ADCY7: variants seen among roughly 807,000 people sequenced by gnomAD.
ADCY7 encodes the protein adenylate cyclase type 7.
Under a neutral mutation model 120.6 loss-of-function variants are expected in ADCY7, and 72 were observed. That is an observed-to-expected ratio of 0.60 (90% CI 0.49 to 0.73). The LOEUF is 0.73. ADCY7 is among the 30% of genes least tolerant of loss of function. The pLI is 0.00. For synonymous variants in ADCY7, 661 were observed against 628.0 expected (o/e 1.05, Z -0.78); for missense variants, 1,227 against 1,486.0 (o/e 0.83, Z 2.87).
At chr16:50,301,304 C>T in intron 10 of ADCY7, 90 bp downstream of exon 10, 1 of 1,459,208 alleles carries the variant, frequency 6.9e-7, no homozygotes, top group Non-Finnish European at 9.1e-7. Context: ...AGGAAACCCC[C>T]ATGTGGAGGG....
chr16:50,273,942 G>C (rs934570260), intron 1 of ADCY7, among the ~76,000 whole-genome samples: 2 of 152,194 alleles, frequency 1.3e-5, no homozygotes, highest in African/African-American at 4.8e-5. Context: ...TGCAGGCCCT[G>C]GGGAAGCTAA....
Position 50,310,878 on chromosome 16 carries a change from C to A in ADCY7, c.2352C>A (p.Thr784=). Reference sequence around the variant, plus strand: ...ACCTCACCAAGCCCAACGGCACCACCAGGTGGGGTCCCGCCCGTCCCCGTC... The same window carrying A: ...ACCTCACCAAGCCCAACGGCACCACAAGGTGGGGTCCCGCCCGTCCCCGTC... ...LGNLTKPNGT[T]SGTPSCSWKD... Residue 784 remains threonine, a splice_region_variant and synonymous_variant, in exon 19 of 26, where the codon ACC becomes ACA. Transcript: ENST00000673801. 6.3e-7 allele frequency: 1 copy of A among 1,598,236 alleles called. No individual in the cohort carries two copies. Among genetic ancestry groups the A allele is most frequent in the East Asian group, 2.3e-5 (1 of 43,924 alleles).
Position 50,311,721 on chromosome 16 carries a change from C to G in ADCY7, c.2383C>G (p.Leu795Val). The change falls in exon 20 of 26, where the codon CTG becomes GTG. Residue 795 changes from leucine (L) to valine (V), a missense_variant. By Grantham distance (32) the Leu-to-Val change is conservative. Around this residue, in one of 5 missense-constraint regions of ADCY7, gnomAD observed 267 missense variants for 270.0 expected, o/e 0.99. Coordinates refer to ENST00000673801, the MANE Select transcript of ADCY7 (RefSeq NM_001114.5). ...CACCCCTAGCTGTTCCTGGAAGGACCTGAAGACCATGACCAATTTCTACCT... is the reference window on the plus strand; with the variant it reads ...CACCCCTAGCTGTTCCTGGAAGGACGTGAAGACCATGACCAATTTCTACCT... ...SGTPSCSWKDLKTMTNFYLVL... is the reference protein window; with the variant it reads ...SGTPSCSWKDVKTMTNFYLVL... 1 of 1,613,078 alleles carries G rather than the reference C, an allele frequency of 6.2e-7. No homozygotes were observed. Among genetic ancestry groups the G allele is most frequent in the Non-Finnish European group, 8.5e-7 (1 of 1,179,696 alleles).
intron 1 of ADCY7, among the ~76,000 whole-genome samples, chr16:50,249,578 G>C (rs7195533): frequency 0.11 from 16,261 of 152,234 alleles, 1,621 homozygotes; most frequent in African/African-American, 0.27. Flanking sequence ...ATGACTTCAG[G>C]CTCTGCCTTT....
At chr16:50,250,478 A>C (rs2032725129) in intron 1 of ADCY7, among the ~76,000 whole-genome samples, 1 of 151,344 alleles carries the variant, frequency 6.6e-6, no homozygotes, top group South Asian at 2.1e-4. Flanking sequence ...AAAAAAAAAA[A>C]ACCTAAAATG....
chr16:50,271,127 G>A (rs1346918194), intron 1 of ADCY7, among the ~76,000 whole-genome samples: 1 of 152,232 alleles, frequency 6.6e-6, no homozygotes, highest in Admixed American at 6.5e-5. Context: ...TTTCTAGAAG[G>A]GACCAGTGTT....
intron 1 of ADCY7, among the ~76,000 whole-genome samples, chr16:50,251,383 T>G (rs1456349187): frequency 6.6e-6 from 1 of 152,206 alleles, no homozygotes; most frequent in African/African-American, 2.4e-5. Context: ...TTTTGTTATC[T>G]TTAGTATGGG....
At chr16:50,249,902 A>G (rs1472020033) in intron 1 of ADCY7, among the ~76,000 whole-genome samples, 1 of 151,302 alleles carries the variant, frequency 6.6e-6, no homozygotes, top group Admixed American at 6.6e-5. Flanking sequence ...CTGTTTGCAG[A>G]GGGAGCCCCT....
At chr16:50,256,323 T>A (rs779259268) in intron 1 of ADCY7, among the ~76,000 whole-genome samples, 45 of 152,112 alleles carry the variant, frequency 3.0e-4, no homozygotes, top group Non-Finnish European at 6.0e-4. Flanking sequence ...TACAAAAAAA[T>A]GTTCAACATT....
At chr16:50,309,138 G>A in intron 17 of ADCY7, 1 of 323,824 alleles carries the variant, frequency 3.1e-6, no homozygotes, top group Non-Finnish European at 5.7e-6. Context: ...GCTCAGTGCT[G>A]CAGAAAGCAG....
intron 1 of ADCY7, among the ~76,000 whole-genome samples, chr16:50,278,642 A>G (rs752044250): frequency 2.2e-4 from 33 of 152,156 alleles, no homozygotes; most frequent in Non-Finnish European, 4.3e-4. Context: ...CATATTCACT[A>G]CAGCATCATA....
At chr16:50,280,549 A>G (rs887804207) in intron 1 of ADCY7, among the ~76,000 whole-genome samples, 2 of 151,930 alleles carry the variant, frequency 1.3e-5, no homozygotes, top group African/African-American at 4.8e-5. Context: ...TTAATTTGAG[A>G]TCTTTCTAAG....
chr16:50,298,073 C>G (rs2035473121), intron 7 of ADCY7, among the ~76,000 whole-genome samples: 1 of 151,986 alleles, frequency 6.6e-6, no homozygotes, highest in African/African-American at 2.4e-5. Context: ...TCCTATGAGT[C>G]CCCACCCTCG....
At chr16:50,260,123 C>G (rs1037979691) in intron 1 of ADCY7, among the ~76,000 whole-genome samples, 3 of 152,216 alleles carry the variant, frequency 2.0e-5, no homozygotes, top group Admixed American at 6.5e-5. Flanking sequence ...TGTCCTCCCA[C>G]GTAGGGTGAG....
In ADCY7 at chr16:50,299,039, C is replaced by T; in HGVS notation, c.1076+8C>T. On this transcript the variant is annotated splice_region_variant and intron_variant, in intron 8 of 25. Transcript: ENST00000673801. ...CATGTGCCAGGCCATCAAGTAGGTC[C>T]TGGGCGGGCCCAGGCCCTGGGTCCT... The T allele has an allele frequency of 6.2e-7, 1 of 1,605,940 alleles. No individual in the cohort carries two copies.
At chr16:50,253,994 T>C (rs2032838362) in intron 1 of ADCY7, among the ~76,000 whole-genome samples, 1 of 152,144 alleles carries the variant, frequency 6.6e-6, no homozygotes, top group Non-Finnish European at 1.5e-5. Context: ...TGTCTGTCTC[T>C]CTCCAGTCAG....
At chr16:50,260,503 G>T (rs763607947) in intron 1 of ADCY7, among the ~76,000 whole-genome samples, 24 of 152,200 alleles carry the variant, frequency 1.6e-4, no homozygotes, top group Non-Finnish European at 2.6e-4. Flanking sequence ...TCCTTTTCAG[G>T]CCAGTTCTTC....
chr16:50,299,830 G>A (rs949735151), intron 8 of ADCY7, among the ~76,000 whole-genome samples: 1 of 152,202 alleles, frequency 6.6e-6, no homozygotes, highest in Non-Finnish European at 1.5e-5. Flanking sequence ...GCCCAGCCTT[G>A]TTGGTGGACA....
intron 1 of ADCY7, among the ~76,000 whole-genome samples, chr16:50,256,224 GCAA>G (rs1287872163): frequency 2.0e-5 from 3 of 152,008 alleles, no homozygotes; most frequent in Non-Finnish European, 4.4e-5. Flanking sequence ...CTCAATAACA[GCAA>G]CAACAACAAC....
Sources: allele counts gnomAD v4.1 joint callset (sites outside exome capture counted in the v4.1 genomes callset), GRCh38; gene constraint gnomAD v4.1.1; regional missense constraint gnomAD v4.1.1; transcripts MANE v1.5; gene names NCBI Gene and HGNC (gene_info 2026-07-23, HGNC 2026-07-21).